The following PLGRKT variants were observed in gnomAD, a reference collection of about 807,000 sequenced individuals.
The protein encoded by PLGRKT is plasminogen receptor with a C-terminal lysine, also known as plasminogen receptor (KT).
In PLGRKT, 22 loss-of-function variants were observed where a neutral mutation model predicts 18.5. The observed-to-expected ratio is 1.19, with a 90% confidence interval of 0.85 to 1.70. PLGRKT has a LOEUF of 1.70. Ranked by LOEUF, PLGRKT falls within the 40% of genes most tolerant of loss-of-function variation. PLGRKT has a pLI of 0.00. For synonymous variants in PLGRKT, 72 were observed against 52.8 expected (o/e 1.36, Z -1.58); for missense variants, 235 against 174.4 (o/e 1.35, Z -1.96).
At position 5,361,172 on chromosome 9, in the gene PLGRKT, C is replaced by T. The variant is rs781741643; in HGVS notation, c.228G>A (p.Lys76=). 6.3e-7 allele frequency: 1 copy of T among 1,598,838 alleles called. No homozygotes were observed. The highest frequency in any genetic ancestry group is 1.1e-5 in the South Asian group (1 of 89,786). Residue 76 remains lysine, a synonymous_variant, in exon 5 of 6, where the codon AAG becomes AAA. Transcript: ENST00000223864. ...CAATCGGGACCAGGAAGGCTGGCTT[C>T]TTTTTTTTAATCGCTCTGTTTCAAG... ...ISLTAGAIKK[K]KPAFLVPIVP... is the part of the protein sequence containing the mutation.
At chr9:5,387,258 G>A (rs1817861645) in intron 3 of PLGRKT, among the ~76,000 whole-genome samples, 2 of 151,910 alleles carry the variant, frequency 1.3e-5, no homozygotes, top group South Asian at 4.1e-4. Context: ...CTGCTGGAGG[G>A]TTTGGATCAG....
intron 3 of PLGRKT, among the ~76,000 whole-genome samples, chr9:5,426,840 G>C (rs1334835999): frequency 6.6e-6 from 1 of 152,138 alleles, no homozygotes; most frequent in Non-Finnish European, 1.5e-5. Flanking sequence ...GAGTCCACAA[G>C]CTCAATGTAC....
chr9:5,361,104 T>G lies in PLGRKT; in HGVS notation c.296A>C (p.Tyr99Ser), dbSNP rs755176548. ...TTTCATTCTTTCTAAAAGGGTTCCA[T>G]AGCCCAAGTCATACTGGTAGGTGAG... is the stretch of plus-strand genomic sequence containing the variant. ...FILTYQYDLG[Y>S]GTLLERMKGE... The change falls in exon 5 of 6, where the codon TAT becomes TCT. Residue 99 changes from tyrosine (Y) to serine (S), a missense_variant. Physicochemically the swap from Tyr to Ser is moderately radical, Grantham distance 144. Transcript: ENST00000223864. 1 of 1,591,222 alleles carries G rather than the reference T, an allele frequency of 6.3e-7. No individual in the cohort carries two copies. Among genetic ancestry groups the G allele is most frequent in the South Asian group, 1.1e-5 (1 of 90,234 alleles).
chr9:5,411,223 A>C (rs372354556), intron 3 of PLGRKT, among the ~76,000 whole-genome samples: 228 of 152,058 alleles, frequency 1.5e-3, no homozygotes, highest in Middle Eastern at 6.8e-3. Flanking sequence ...GTCTCTACTA[A>C]AAATACAAAA....
intron 3 of PLGRKT, among the ~76,000 whole-genome samples, chr9:5,389,173 T>G (rs1297214618): frequency 2.0e-5 from 3 of 151,910 alleles, no homozygotes; most frequent in Non-Finnish European, 4.4e-5. Flanking sequence ...TGGGATATCT[T>G]AAGATTTACT....
chr9:5,406,866 T>C (rs1382706758), intron 3 of PLGRKT, among the ~76,000 whole-genome samples: 4 of 152,218 alleles, frequency 2.6e-5, no homozygotes, highest in African/African-American at 9.6e-5. Context: ...AAACCACTTG[T>C]ACCCAAAAGC....
At chr9:5,437,937 G>C (rs1225471965), upstream of PLGRKT, 1 of 152,246 alleles carries the variant, frequency 6.6e-6, no homozygotes, top group Non-Finnish European at 1.5e-5. Context: ...GCCAATTCGC[G>C]CAGCCCTCAG....
At position 5,418,924 on chromosome 9, in the gene PLGRKT, A is replaced by C; in HGVS notation, c.81+12973T>G. 1.2e-6 allele frequency: 1 copy of C among 815,694 alleles called. No homozygotes were observed. Among genetic ancestry groups the C allele is most frequent in the African/African-American group, 1.7e-5 (1 of 58,560 alleles). The allele number at this position is 815,694 out of a possible 1,614,324, so 50.5% of individuals were successfully genotyped here. A position where few individuals can be genotyped will look rare whatever the true frequency, so the allele number is the denominator to read the frequency against. On this transcript the variant is annotated intron_variant, in intron 3 of 5. Transcript: ENST00000223864. The surrounding 1 kb of genome is among the most constrained non-coding windows in gnomAD (Gnocchi z 4.2). Reference sequence around the variant, plus strand: ...CAACTTGGCCTTCACTAGGGGCTGCAGTAATTAAAACAGATCTGACATTCT... The same window carrying C: ...CAACTTGGCCTTCACTAGGGGCTGCCGTAATTAAAACAGATCTGACATTCT...
At position 5,358,314 on chromosome 9, in the gene PLGRKT, C is replaced by T. The variant is rs780267733; in HGVS notation, c.369G>A (p.Leu123=). ...TTTCAAAAGTGATCATTCCTCTTGG[C>T]AGCTGCAATTTACTCTTTTCTGTTT... ...ILETEKSKLQ[L]PRGMITFESI... is the part of the protein sequence containing the mutation. The change falls in exon 6 of 6, where the codon CTG becomes CTA. Residue 123 remains leucine (L), a synonymous_variant. Coordinates refer to ENST00000223864, the MANE Select transcript of PLGRKT (RefSeq NM_018465.4). 5 of 1,609,496 alleles carry T rather than the reference C, an allele frequency of 3.1e-6. No individual in the cohort carries two copies. Among genetic ancestry groups the T allele is most frequent in the Non-Finnish European group, 4.3e-6 (5 of 1,176,112 alleles).
At chr9:5,391,106 C>G (rs770894889) in intron 3 of PLGRKT, among the ~76,000 whole-genome samples, 2 of 151,902 alleles carry the variant, frequency 1.3e-5, no homozygotes, top group Non-Finnish European at 2.9e-5. Context: ...ATGTTGGTCA[C>G]AAGACTTTAA....
chr9:5,413,813 G>C (rs889677334), intron 3 of PLGRKT, among the ~76,000 whole-genome samples: 18 of 152,114 alleles, frequency 1.2e-4, no homozygotes, highest in Non-Finnish European at 2.6e-4. Flanking sequence ...TACATCATTT[G>C]AATAAATTTT....
chr9:5,429,095 C>A (rs1197456408), intron 3 of PLGRKT, among the ~76,000 whole-genome samples: 1 of 152,086 alleles, frequency 6.6e-6, no homozygotes, highest in Admixed American at 6.5e-5. Context: ...ATTAAAGGGA[C>A]CTTTATAGCC....
intron 3 of PLGRKT, among the ~76,000 whole-genome samples, chr9:5,419,593 C>T (rs976890441): frequency 2.6e-5 from 4 of 152,132 alleles, no homozygotes; most frequent in South Asian, 2.1e-4. Flanking sequence ...ATACAAATGG[C>T]CATTAAGCCC....
At chr9:5,373,329 C>G (rs1048528936) in intron 3 of PLGRKT, among the ~76,000 whole-genome samples, 3 of 152,188 alleles carry the variant, frequency 2.0e-5, no homozygotes, top group Non-Finnish European at 2.9e-5. Context: ...CCTTGCTTAT[C>G]TAATTCCTCA....
At chr9:5,410,397 T>C (rs1818338795) in intron 3 of PLGRKT, among the ~76,000 whole-genome samples, 1 of 150,562 alleles carries the variant, frequency 6.6e-6, no homozygotes, top group Non-Finnish European at 1.5e-5. Flanking sequence ...AAAAATTAGC[T>C]GACATGCTCA....
intron 3 of PLGRKT, among the ~76,000 whole-genome samples, chr9:5,400,948 G>C (rs1221460402): frequency 1.3e-5 from 2 of 151,948 alleles, no homozygotes; most frequent in Non-Finnish European, 2.9e-5. Flanking sequence ...TGTAGGAGAA[G>C]TGGGGTGTTG....
intron 4 of PLGRKT, 143 bp from the exon 5 acceptor site, chr9:5,361,330 G>T (rs564974982): frequency 1.1e-4 from 64 of 587,692 alleles, no homozygotes; most frequent in Non-Finnish European, 1.8e-4. Context: ...ATAATTCTAT[G>T]GAAATAGGAT....
At chr9:5,401,906 A>G (rs1439256280) in intron 3 of PLGRKT, among the ~76,000 whole-genome samples, 6 of 151,946 alleles carry the variant, frequency 3.9e-5, no homozygotes, top group Non-Finnish European at 8.8e-5. Flanking sequence ...AACGCACTGG[A>G]AAGTTCTTTT....
chr9:5,361,592 G>T (rs1361931842), intron 4 of PLGRKT, among the ~76,000 whole-genome samples, 166 bp downstream of exon 4: 1 of 152,188 alleles, frequency 6.6e-6, no homozygotes. Context: ...AACTGTTACT[G>T]CCTTGCTTTC....
Sources: gnomAD v4.1 joint callset for allele counts (sites outside exome capture counted in the v4.1 genomes callset) on GRCh38, gnomAD v4.1.1 for gene constraint, Gnocchi (gnomAD v3.1) non-coding constraint, MANE v1.5 for transcripts, NCBI Gene and HGNC (gene_info 2026-07-23, HGNC 2026-07-21) for gene names.